Variants in SUMF2 observed in about 807,000 individuals in gnomAD.
SUMF2 encodes inactive C-alpha-formylglycine-generating enzyme 2.
In SUMF2, 45 loss-of-function variants were observed where a neutral mutation model predicts 44.8. The ratio of observed to expected loss-of-function variants is 1.00; its 90% CI spans 0.79 to 1.29. The LOEUF is 1.29. Ranked by LOEUF, SUMF2 falls within the 50% of genes most tolerant of loss-of-function variation. SUMF2 has a pLI of 0.00. For synonymous variants in SUMF2, 148 were observed against 150.4 expected, an observed-to-expected ratio of 0.98 and a Z score of 0.12; for missense variants, 418 against 389.9, an observed-to-expected ratio of 1.07 and a Z score of -0.61.
chr7:56,072,655 G>A (rs1031260137), intron 2 of SUMF2, among the ~76,000 whole-genome samples: 8 of 151,696 alleles, frequency 5.3e-5, no homozygotes, highest in South Asian at 2.1e-4. Context: ...ACCGGGAGGC[G>A]GAGCTTGCAG....
chr7:56,082,885 A>AT (rs1399673778), downstream of SUMF2, among the ~76,000 whole-genome samples: 1 of 152,016 alleles, frequency 6.6e-6, no homozygotes, highest in Non-Finnish European at 1.5e-5. Flanking sequence ...AGGCGGGCGG[A>AT]TCGTAAGGTC....
At chr7:56,081,512 TGGGAG>T (rs1795989668), downstream of SUMF2, 1 of 1,321,650 alleles carries the variant, frequency 7.6e-7, no homozygotes. The surrounding 1 kb of genome is among the most constrained non-coding windows in gnomAD (Gnocchi z 4.6). Context: ...ACAGGGCAGC[TGGGAG>T]GGGAGGGATG....
intron 2 of SUMF2, among the ~76,000 whole-genome samples, chr7:56,071,234 G>A (rs1368633235): frequency 3.3e-5 from 5 of 152,180 alleles, no homozygotes; most frequent in Admixed American, 6.6e-5. Flanking sequence ...GCATGCACCT[G>A]TAGTCACAGC....
intron 5 of SUMF2, among the ~76,000 whole-genome samples, chr7:56,076,055 G>A (rs1210235248): frequency 2.1e-5 from 3 of 141,262 alleles, no homozygotes; most frequent in East Asian, 4.2e-4. Context: ...GAGACAGAGT[G>A]TCGCTGTGTC....
rs71015184 is a variant in SUMF2 at position 56,080,260 on chromosome 7, C to CT, written c.*671dup. On this transcript the variant is annotated 3_prime_UTR_variant, in exon 9 of 9. Transcript: ENST00000434526. ...AGACAAATATCAGAAGCTTCCTATT[C>CT]TTTTTTTTTTTTTTTTTTTTTTTGA... is the stretch of plus-strand genomic sequence containing the variant. The CT allele has an allele frequency of 0.074, 7,769 of 105,404 alleles. 418 individuals carry two copies. The highest frequency in any genetic ancestry group is 0.18 in the East Asian group (622 of 3,514). 6.5% of individuals were successfully genotyped at this position (105,404 alleles called of 1,614,324 possible).
chr7:56,081,912 G>A (rs148542905), downstream of SUMF2: 135 of 1,613,428 alleles, frequency 8.4e-5, no homozygotes, highest in Non-Finnish European at 1.1e-4. This position sits in a 1 kb window ranked among gnomAD's most constrained non-coding sequence, Gnocchi z 4.6. Flanking sequence ...CACGGTGTCC[G>A]AGTAATCATC....
At chr7:56,085,905 C>T in the SUMF2 span, among the ~76,000 whole-genome samples, 2 of 149,394 alleles carry the variant, frequency 1.3e-5, no homozygotes, top group Non-Finnish European at 3.0e-5. Context: ...ACCCAGGAGA[C>T]GGAGGTTGCA....
chr7:56,078,271 C>A (rs1795706667), intron 7 of SUMF2, 85 bp downstream of exon 7: 1 of 1,563,084 alleles, frequency 6.4e-7, no homozygotes, highest in Non-Finnish European at 8.7e-7. Flanking sequence ...GAGGGAAGCA[C>A]CTCCCTTCTG....
At position 56,078,397 on chromosome 7, in the gene SUMF2, G is replaced by A. The variant is rs746947854; in HGVS notation, c.710G>A (p.Trp237Ter). 2 of 1,611,546 alleles carry A rather than the reference G, an allele frequency of 1.2e-6. No homozygotes were observed. The highest frequency in any genetic ancestry group is 1.3e-5 in the African/African-American group (1 of 74,996). ...LYDLLGNVWEWTASPYQAAEQ... is the reference protein window; with the variant it reads ...LYDLLGNVWE ...GACCTCCTGGGGAACGTGTGGGAGT[G>A]GACAGCATCACCGTACCAGGCTGCT... Residue 237 changes from tryptophan to a stop codon, truncating the protein, a stop_gained, in exon 8 of 9, where the codon TGG becomes TAG. Transcript: ENST00000434526. LOFTEE classifies it high-confidence loss of function.
chr7:56,073,590 G>A (rs55697950), intron 3 of SUMF2: 34,538 of 197,334 alleles, frequency 0.18, 3,503 homozygotes, highest in Admixed American at 0.24. Flanking sequence ...GTTGCAGTGA[G>A]CCGAGATGGC....
chr7:56,079,225 C>T, intron 8 of SUMF2: 1 of 533,680 alleles, frequency 1.9e-6, no homozygotes, highest in Non-Finnish European at 3.3e-6. Flanking sequence ...CTGTTGTCAA[C>T]TGCTAACATA....
the SUMF2 span, chr7:56,087,503 G>A: frequency 1.0e-5 from 13 of 1,250,566 alleles, no homozygotes; most frequent in Admixed American, 5.7e-5. Context: ...GGTGGTTCTA[G>A]TTGGCTGTGC....
Position 56,064,518 on chromosome 7 carries a change from G to T in SUMF2, c.67+140G>T. On this transcript the variant is annotated intron_variant, in intron 1 of 8. Transcript: ENST00000434526. ...AGGCTGGGGAGGTAGCTCTCGGTGC[G>T]CGTGGCGCCTCACCGCCTTATACTT... The T allele has an allele frequency of 3.2e-6, 4 of 1,231,430 alleles. No individual in the cohort carries two copies. In the South Asian group the frequency reaches 5.8e-5, roughly 18 times the overall value. The allele number at this position is 1,231,430 out of a possible 1,614,324, so 76.3% of individuals were successfully genotyped here. A position where few individuals can be genotyped will look rare whatever the true frequency, so the allele number is the denominator to read the frequency against.
downstream of SUMF2, chr7:56,084,138 G>A: frequency 6.8e-7 from 1 of 1,475,160 alleles, no homozygotes; most frequent in Non-Finnish European, 9.2e-7. Context: ...TGGTGGCCCT[G>A]TGAGCAGTAC....
chr7:56,064,467 G>A, intron 1 of SUMF2, 89 bp downstream of exon 1: 1 of 1,477,314 alleles, frequency 6.8e-7, no homozygotes, highest in Non-Finnish European at 8.9e-7. Flanking sequence ...CCCTTCTGCC[G>A]GCTTCCGGGA....
rs753656271 is a variant in SUMF2 at position 56,079,607 on chromosome 7, C to A, written c.901C>A (p.Leu301Met). The A allele has an allele frequency of 1.2e-6, 2 of 1,614,236 alleles. No individual in the cohort carries two copies. The highest frequency in any genetic ancestry group is 4.5e-5 in the East Asian group (2 of 44,882). Residue 301 changes from leucine (L) to methionine (M), a missense_variant, in exon 9 of 9, where the codon CTG becomes ATG. Coordinates refer to ENST00000434526, the MANE Select transcript of SUMF2 (RefSeq NM_015411.4). The part of the protein sequence containing the change: ...AADAGRPPGE[L>M] ...AGACGCAGGCCGGCCGCCAGGGGAG[C>A]TGTAAGCAGCCGGGTGGTGACAAGG...
downstream of SUMF2, chr7:56,082,252 C>G: frequency 6.2e-7 from 1 of 1,612,052 alleles, no homozygotes; most frequent in Non-Finnish European, 8.5e-7. Flanking sequence ...TCCCGCAGAC[C>G]TCTGCAGGAA....
downstream of SUMF2, chr7:56,084,108 G>A (rs910856106): frequency 4.5e-6 from 5 of 1,110,076 alleles, no homozygotes; most frequent in South Asian, 2.7e-5. Flanking sequence ...AAGTGACCAG[G>A]GAAGCAATGG....
Position 56,079,494 on chromosome 7 carries a change from C to T in SUMF2, c.822-34C>T, listed in dbSNP as rs375745003. On this transcript the variant is annotated intron_variant, in intron 8 of 8. Transcript: ENST00000434526. ...TAAGCCCTAGGCCTTTTTCTCAGGA[C>T]GTGTCTGTCCTCTCTCCCCTTCTCT... is the stretch of plus-strand genomic sequence containing the variant. 51 of 1,588,182 alleles carry T rather than the reference C, an allele frequency of 3.2e-5. 1 individual carries two copies. The highest frequency in any genetic ancestry group is 3.2e-4 in the South Asian group (28 of 88,260).
Sources: gnomAD v4.1 joint callset for allele counts (sites outside exome capture counted in the v4.1 genomes callset) on GRCh38, gnomAD v4.1.1 for gene constraint, Gnocchi (gnomAD v3.1) non-coding constraint, MANE v1.5 for transcripts, NCBI Gene and HGNC (gene_info 2026-07-23, HGNC 2026-07-21) for gene names.